KCNG2: variants seen among roughly 807,000 people sequenced by gnomAD.
KCNG2 encodes the protein potassium voltage-gated channel modifier subfamily G member 2.
KCNG2 carries 7 observed loss-of-function variants against 12.3 expected under a neutral mutation model. The ratio of observed to expected loss-of-function variants is 0.57; its 90% confidence interval spans 0.32 to 1.07. KCNG2 has a LOEUF of 1.07. Ranked by LOEUF, KCNG2 falls within the 50% of genes least tolerant of loss-of-function variation. KCNG2 has a pLI of 0.04. For missense variants in KCNG2, 703 were observed against 726.0 expected (o/e 0.97, Z 0.36); for synonymous variants, 414 against 351.4 (o/e 1.18, Z -1.99).
chr18:79,845,363 C>T (rs909556737), intron 1 of KCNG2, among the ~76,000 whole-genome samples: 3 of 152,106 alleles, frequency 2.0e-5, no homozygotes, highest in Admixed American at 1.3e-4. Context: ...GTCGGCGTCC[C>T]GGTGGAGAAG....
At chr18:79,897,845 G>A (rs1981033258) in intron 3 of KCNG2, among the ~76,000 whole-genome samples, 1 of 152,070 alleles carries the variant, frequency 6.6e-6, no homozygotes, top group African/African-American at 2.4e-5. Context: ...GTCACCCTGG[G>A]ATGACAGGGC....
At chr18:79,893,003 G>A (rs199793789) in intron 3 of KCNG2, among the ~76,000 whole-genome samples, 2 of 149,290 alleles carry the variant, frequency 1.3e-5, no homozygotes, top group African/African-American at 5.0e-5. Context: ...TGATTGGGTT[G>A]TTCACTCCAT....
At chr18:79,828,408 G>C (rs1291918464) in intron 1 of KCNG2, among the ~76,000 whole-genome samples, 1 of 151,736 alleles carries the variant, frequency 6.6e-6, no homozygotes, top group African/African-American at 2.4e-5. Flanking sequence ...GCATGTATCA[G>C]TGTGTGCATG....
At chr18:79,872,287 T>TTTG (rs1555695121) in intron 3 of KCNG2, among the ~76,000 whole-genome samples, 3 of 113,506 alleles carry the variant, frequency 2.6e-5, no homozygotes, top group African/African-American at 6.0e-5. Context: ...TCAGTTTTTT[T>TTTG]TTTTTTTTTT....
chr18:79,854,139 G>C (rs1368528592), intron 1 of KCNG2, among the ~76,000 whole-genome samples: 2 of 152,254 alleles, frequency 1.3e-5, no homozygotes, highest in African/African-American at 2.4e-5. Flanking sequence ...ACTGGCCGCG[G>C]AGGGAAGGCA....
intron 3 of KCNG2, 125 bp downstream of exon 3, chr18:79,864,416 G>T (rs1388230487): frequency 1.1e-5 from 10 of 881,688 alleles, no homozygotes; most frequent in Non-Finnish European, 1.2e-5. Flanking sequence ...GGACCGGGCT[G>T]GGGGCTGCCG....
At position 79,884,231 on chromosome 18, in the gene KCNG2, G is replaced by A. The variant is rs1003027841; in HGVS notation, c.625-14809G>A. Among the ~76,000 whole-genome samples, 1 of 151,076 alleles carries A rather than the reference G, an allele frequency of 6.6e-6. No homozygotes were observed. Among genetic ancestry groups the A allele is most frequent in the Non-Finnish European group, 1.5e-5 (1 of 67,788 alleles). On this transcript the variant is annotated intron_variant, in intron 3 of 3. Transcript: ENST00000316249. This position sits in a 1 kb window ranked among gnomAD's most constrained non-coding sequence, Gnocchi z 5.5. Reference sequence around the variant, plus strand: ...CCCCATGCCCCTCCCCATGCCCCATGTCCCTGTTCTCAGCCCTCCTCCCGC... The same window carrying A: ...CCCCATGCCCCTCCCCATGCCCCATATCCCTGTTCTCAGCCCTCCTCCCGC...
chr18:79,798,515 C>T (rs1246748963), intron 1 of KCNG2, among the ~76,000 whole-genome samples: 9 of 152,198 alleles, frequency 5.9e-5, no homozygotes, highest in African/African-American at 2.2e-4. Flanking sequence ...GGCGAATGCT[C>T]GGCGCGCTGC....
At chr18:79,851,493 CAG>C (rs566531997) in intron 1 of KCNG2, among the ~76,000 whole-genome samples, 159 of 152,326 alleles carry the variant, frequency 1.0e-3, no homozygotes, top group African/African-American at 3.7e-3. Context: ...CTCCGACACT[CAG>C]AGGATGCACA....
chr18:79,809,700 C>T (rs970625588), intron 1 of KCNG2, among the ~76,000 whole-genome samples: 3 of 152,180 alleles, frequency 2.0e-5, no homozygotes, highest in Non-Finnish European at 4.4e-5. Flanking sequence ...ATGCAGCTTT[C>T]GGTTCTAAAC....
chr18:79,854,716 G>A (rs772195234), intron 1 of KCNG2, among the ~76,000 whole-genome samples: 5 of 152,032 alleles, frequency 3.3e-5, no homozygotes, highest in Admixed American at 1.3e-4. Flanking sequence ...TAGTAGAGAC[G>A]AGGTTTCACC....
At chr18:79,861,034 T>G (rs950347835) in intron 2 of KCNG2, among the ~76,000 whole-genome samples, 6 of 152,328 alleles carry the variant, frequency 3.9e-5, no homozygotes, top group African/African-American at 1.4e-4. Context: ...GGAAAGGATG[T>G]TAGACTTCGT....
In KCNG2 at chr18:79,863,798, A is replaced by G. The variant is rs1422396422; in HGVS notation, c.131A>G (p.Glu44Gly). Residue 44 changes from glutamate to glycine, a missense_variant, in exon 3 of 4, where the codon GAG becomes GGG. Transcript: ENST00000316249. ...GCGCGATGCCCCCTCGCGCGCCTGG[A>G]GCGCCTGCGCGCCTGCCGCGGCCAC... The part of the protein sequence containing the change: ...ALARCPLARL[E>G]RLRACRGHDD... 6.1e-6 allele frequency: 8 copies of G among 1,309,296 alleles called. No homozygotes were observed. Among genetic ancestry groups the G allele is most frequent in the Non-Finnish European group, 7.8e-6 (8 of 1,024,126 alleles). 81.1% of individuals were successfully genotyped at this position (1,309,296 alleles called of 1,614,324 possible).
At position 79,899,985 on chromosome 18, in the gene KCNG2, A is replaced by T; in HGVS notation, c.*169A>T. On this transcript the variant is annotated 3_prime_UTR_variant, in exon 4 of 4. Transcript: ENST00000316249. ...CCAGAACTTGGCGGGGCCCTGCCTG[A>T]CTCCCCGTGGCAGCGCTGGGCAAAG... 2.0e-6 allele frequency: 1 copy of T among 509,744 alleles called. No individual in the cohort carries two copies. The highest frequency in any genetic ancestry group is 3.9e-5 in the East Asian group (1 of 25,850). The allele number at this position is 509,744 out of a possible 1,614,324, so 31.6% of individuals were successfully genotyped here. A position where few individuals can be genotyped will look rare whatever the true frequency, so the allele number is the denominator to read the frequency against.
intron 1 of KCNG2, among the ~76,000 whole-genome samples, chr18:79,825,661 C>A (rs997644204): frequency 6.6e-6 from 1 of 152,180 alleles, no homozygotes; most frequent in South Asian, 2.1e-4. Context: ...AGGATTAATA[C>A]GAAGGTAGAT....
chr18:79,885,775 T>A (rs1251548170), intron 3 of KCNG2, among the ~76,000 whole-genome samples: 1 of 150,410 alleles, frequency 6.6e-6, no homozygotes, highest in Admixed American at 6.6e-5. Flanking sequence ...GACAGGAACA[T>A]GGGGACACAG....
At chr18:79,893,167 A>G (rs1244572847) in intron 3 of KCNG2, among the ~76,000 whole-genome samples, 2 of 151,928 alleles carry the variant, frequency 1.3e-5, no homozygotes, top group Non-Finnish European at 2.9e-5. Flanking sequence ...TATGATTGAT[A>G]TAGTTGGCTC....
chr18:79,879,367 G>A (rs958037350), intron 3 of KCNG2, among the ~76,000 whole-genome samples: 1 of 152,160 alleles, frequency 6.6e-6, no homozygotes, highest in Non-Finnish European at 1.5e-5. Flanking sequence ...AGGCACATTG[G>A]GAAAGAATGG....
intron 3 of KCNG2, among the ~76,000 whole-genome samples, chr18:79,864,972 G>GGTGTTGAGAGGTCTGT (rs1979406684): frequency 8.1e-6 from 1 of 123,056 alleles, no homozygotes; most frequent in East Asian, 2.7e-4. Context: ...CGGAAGTCTG[G>GGTGTTGAGAGGTCTGT]GTGCTGAGAG....
Sources: allele counts gnomAD v4.1 joint callset (sites outside exome capture counted in the v4.1 genomes callset), GRCh38; gene constraint gnomAD v4.1.1; non-coding constraint Gnocchi (gnomAD v3.1); transcripts MANE v1.5; gene names NCBI Gene and HGNC (gene_info 2026-07-23, HGNC 2026-07-21).